MTNR1A: variants seen among roughly 807,000 people sequenced by gnomAD.
MTNR1A encodes the protein melatonin receptor type 1A.
In MTNR1A, 7 loss-of-function variants were observed where a neutral mutation model predicts 5.5. The ratio of observed to expected loss-of-function variants is 1.28; its 90% CI spans 0.73 to 2.40. The LOEUF is 2.40. MTNR1A is among the 30% of genes most tolerant of loss of function. The pLI is 0.00. For missense variants in MTNR1A, 441 were observed against 464.4 expected, an observed-to-expected ratio of 0.95 and a Z score of 0.46; for synonymous variants, 196 against 202.7, an observed-to-expected ratio of 0.97 and a Z score of 0.28.
intron 1 of MTNR1A, among the ~76,000 whole-genome samples, chr4:186,544,850 G>A (rs1737107233): frequency 1.3e-5 from 2 of 152,182 alleles, no homozygotes; most frequent in African/African-American, 2.4e-5. Flanking sequence ...GTGTCTGTGA[G>A]TTCTGGGAGC....
chr4:186,534,704 C>G lies in MTNR1A; in HGVS notation c.185-147G>C, dbSNP rs900985927. On this transcript the variant is annotated intron_variant, in intron 1 of 1. Transcript: ENST00000307161. The stretch of plus-strand genomic sequence containing the variant: ...ACTGCAAATGAAGTGGAGGCCGTTT[C>G]CCAGGAGGGCCAGTCCACTGCCGCT... 3.7e-6 allele frequency: 3 copies of G among 806,706 alleles called. No homozygotes were observed. The African/African-American group carries it at 1.1e-4, about 28-fold the overall frequency. The allele number at this position is 806,706 out of a possible 1,614,324, so 50.0% of individuals were successfully genotyped here.
intron 1 of MTNR1A, among the ~76,000 whole-genome samples, chr4:186,549,240 T>A (rs1737219488): frequency 9.8e-6 from 1 of 101,772 alleles, no homozygotes; most frequent in Admixed American, 1.0e-4. Context: ...CTAAATATGT[T>A]CAGAAAATCA....
At chr4:186,542,954 G>A (rs529225002) in intron 1 of MTNR1A, among the ~76,000 whole-genome samples, 18 of 152,212 alleles carry the variant, frequency 1.2e-4, no homozygotes, top group East Asian at 7.7e-4. Context: ...TTAGCCAGGC[G>A]TGCAGGTGCA....
chr4:186,543,141 T>A (rs1164075192), intron 1 of MTNR1A, among the ~76,000 whole-genome samples: 1 of 152,122 alleles, frequency 6.6e-6, no homozygotes, highest in Non-Finnish European at 1.5e-5. Flanking sequence ...CACCTGCTAT[T>A]TGGGGCTCCT....
At chr4:186,549,027 G>A (rs1737215249) in intron 1 of MTNR1A, among the ~76,000 whole-genome samples, 1 of 151,272 alleles carries the variant, frequency 6.6e-6, no homozygotes. Flanking sequence ...AAACTAACTG[G>A]CAAAAAATCT....
rs1193837379 is a variant in MTNR1A, at chr4:186,555,419, C to G, written c.-54G>C. ...CCATCGCCCGCCTCGTCCGCCCGCCCGACCACTTGTTAAGGCTCCGCCCGG... is the reference window on the plus strand; with the variant it reads ...CCATCGCCCGCCTCGTCCGCCCGCCGGACCACTTGTTAAGGCTCCGCCCGG... On this transcript the variant is annotated 5_prime_UTR_variant, in exon 1 of 2. Transcript: ENST00000307161. This position sits in a 1 kb window ranked among gnomAD's most constrained non-coding sequence, Gnocchi z 4.1. 10 of 1,325,828 alleles carry G rather than the reference C, an allele frequency of 7.5e-6. No homozygotes were observed. Among genetic ancestry groups the G allele is most frequent in the South Asian group, 4.2e-5 (2 of 48,172 alleles). The allele number at this position is 1,325,828 out of a possible 1,614,324, so 82.1% of individuals were successfully genotyped here. A position where few individuals can be genotyped will look rare whatever the true frequency, so the allele number is the denominator to read the frequency against.
chr4:186,547,720 C>A (rs143729257), intron 1 of MTNR1A, among the ~76,000 whole-genome samples: 1 of 152,170 alleles, frequency 6.6e-6, no homozygotes, highest in African/African-American at 2.4e-5. Flanking sequence ...CTATTATACA[C>A]GGTATTGTAC....
At chr4:186,554,408 T>G (rs1159258794) in intron 1 of MTNR1A, among the ~76,000 whole-genome samples, 1 of 152,148 alleles carries the variant, frequency 6.6e-6, no homozygotes, top group Non-Finnish European at 1.5e-5. Flanking sequence ...ACTAGTTTCT[T>G]CAGAGAACCA....
At chr4:186,547,893 C>T (rs1737191171) in intron 1 of MTNR1A, among the ~76,000 whole-genome samples, 1 of 152,168 alleles carries the variant, frequency 6.6e-6, no homozygotes, top group Non-Finnish European at 1.5e-5. Context: ...AATAATCCTG[C>T]TCATTTTCTA....
At position 186,554,440 on chromosome 4, in the gene MTNR1A, G is replaced by A. The variant is rs368275178; in HGVS notation, c.184+742C>T. ...ACCAAGCATCTAATCATCACTCAGA[G>A]GTCTGAACATCCAGCATCCTAAGAA... On this transcript the variant is annotated intron_variant, in intron 1 of 1. Coordinates refer to ENST00000307161, the MANE Select transcript of MTNR1A (RefSeq NM_005958.4). Among the ~76,000 whole-genome samples the A allele has an allele frequency of 9.2e-5, 14 of 152,090 alleles. No individual in the cohort carries two copies. The East Asian group carries it at 1.2e-3, about 13-fold the overall frequency.
intron 1 of MTNR1A, among the ~76,000 whole-genome samples, chr4:186,542,351 C>CG (rs1190160233): frequency 6.6e-6 from 1 of 152,178 alleles, no homozygotes; most frequent in Non-Finnish European, 1.5e-5. Flanking sequence ...CTAACACCCA[C>CG]GGACGTACAG....
chr4:186,544,349 T>C (rs1737092804), intron 1 of MTNR1A, among the ~76,000 whole-genome samples: 1 of 152,234 alleles, frequency 6.6e-6, no homozygotes, highest in Non-Finnish European at 1.5e-5. Context: ...TGCTTTTTTA[T>C]GCTAGATATG....
chr4:186,554,510 T>C (rs985350343), intron 1 of MTNR1A, among the ~76,000 whole-genome samples: 4 of 152,196 alleles, frequency 2.6e-5, no homozygotes, highest in Admixed American at 2.6e-4. Flanking sequence ...GTTCAATGCA[T>C]TGCTCGGAGG....
chr4:186,534,892 T>A (rs770394284), intron 1 of MTNR1A, among the ~76,000 whole-genome samples: 8 of 152,208 alleles, frequency 5.3e-5, no homozygotes, highest in Non-Finnish European at 1.2e-4. Context: ...GCCTTCTACA[T>A]CACCTGAGAA....
Position 186,533,930 on chromosome 4 carries a change from C to T in MTNR1A, c.812G>A (p.Arg271Lys), listed in dbSNP as rs1427300378. 1.2e-6 allele frequency: 2 copies of T among 1,614,158 alleles called. No individual in the cohort carries two copies. The highest frequency in any genetic ancestry group is 4.5e-5 in the East Asian group (2 of 44,876). Residue 271 changes from arginine (R) to lysine (K), a missense_variant, in exon 2 of 2, where the codon AGG (arginine) becomes AAG (lysine). Arg to Lys is a conservative substitution (Grantham distance 26). Coordinates refer to ENST00000307161, the MANE Select transcript of MTNR1A (RefSeq NM_005958.4). ...GGCCACAAACAGCCACTCTGGGATC[C>T]TAGGCACCATGCTGGCGGGGTCAGA... ...VASDPASMVP[R>K]IPEWLFVASY...
chr4:186,533,781 C>T lies in MTNR1A; in HGVS notation c.961G>A (p.Val321Met), dbSNP rs750341014. ...VSLCTARVFF[V>M]DSSNDVADRV... ...TCGGCCACGTCGTTAGAGCTGTCCACAAAGAACACCCTGGCTGTACAGAGC... is the reference window on the plus strand; with the variant it reads ...TCGGCCACGTCGTTAGAGCTGTCCATAAAGAACACCCTGGCTGTACAGAGC... The change falls in exon 2 of 2, where the codon GTG becomes ATG. Residue 321 changes from valine to methionine, a missense_variant. By Grantham distance (21) the Val-to-Met change is conservative. Transcript: ENST00000307161. 6 of 1,614,094 alleles carry T rather than the reference C, an allele frequency of 3.7e-6. No homozygotes were observed. Among genetic ancestry groups the T allele is most frequent in the African/African-American group, 1.3e-5 (1 of 74,926 alleles).
intron 1 of MTNR1A, among the ~76,000 whole-genome samples, chr4:186,553,727 G>T (rs556486980): frequency 6.6e-6 from 1 of 152,300 alleles, no homozygotes; most frequent in African/African-American, 2.4e-5. Context: ...TGGCCAGCTG[G>T]TCTCGAACTC....
chr4:186,542,922 C>T (rs1737058471), intron 1 of MTNR1A, among the ~76,000 whole-genome samples: 1 of 152,076 alleles, frequency 6.6e-6, no homozygotes, highest in African/African-American at 2.4e-5. Context: ...CATGGTGAAA[C>T]TCCATCTCTA....
rs1237403229 is a variant in MTNR1A, at chr4:186,555,509, G to A, written c.-144C>T. 16 of 549,360 alleles carry A rather than the reference G, an allele frequency of 2.9e-5. No individual in the cohort carries two copies. Among genetic ancestry groups the A allele is most frequent in the Middle Eastern group, 6.2e-4 (1 of 1,610 alleles). The allele number at this position is 549,360 out of a possible 1,614,324, so 34.0% of individuals were successfully genotyped here. A position where few individuals can be genotyped will look rare whatever the true frequency, so the allele number is the denominator to read the frequency against. ...CGCCGCGCCCCCGGACGCCCACGCC[G>A]CGCCGGACGCCACGGCCAGGTGACA... On this transcript the variant is annotated 5_prime_UTR_variant, in exon 1 of 2. Coordinates refer to ENST00000307161, the MANE Select transcript of MTNR1A (RefSeq NM_005958.4). The surrounding 1 kb of genome is among the most constrained non-coding windows in gnomAD (Gnocchi z 4.1).
Sources: gnomAD v4.1 joint callset for allele counts (sites outside exome capture counted in the v4.1 genomes callset) on GRCh38, gnomAD v4.1.1 for gene constraint, Gnocchi (gnomAD v3.1) non-coding constraint, MANE v1.5 for transcripts, NCBI Gene and HGNC (gene_info 2026-07-23, HGNC 2026-07-21) for gene names.